Variants in SRGAP3 observed in about 807,000 individuals in gnomAD.
SRGAP3 encodes SLIT-ROBO Rho GTPase activating protein 3.
SRGAP3 carries 39 observed loss-of-function variants against 121.1 expected under a neutral mutation model. That is an observed-to-expected ratio of 0.32 (90% confidence interval 0.25 to 0.42). The LOEUF (loss-of-function observed/expected upper bound fraction) is 0.42, where lower values mean the gene tolerates loss of function less well. Among genes scored for constraint, SRGAP3 ranks in the 10% least tolerant of loss-of-function variants. SRGAP3 has a pLI of 1.00. For missense variants in SRGAP3, 1,213 were observed against 1,470.6 expected (o/e 0.82, Z 2.86); for synonymous variants, 601 against 570.0 (o/e 1.05, Z -0.77).
intron 3 of SRGAP3, among the ~76,000 whole-genome samples, chr3:9,258,849 T>C (rs1574949761): frequency 6.6e-6 from 1 of 152,338 alleles, no homozygotes; most frequent in South Asian, 2.1e-4. Context: ...CTGTCTCTGA[T>C]CGTGCCTCCC....
chr3:8,990,112 C>T (rs540470562), intron 21 of SRGAP3, among the ~76,000 whole-genome samples: 149 of 152,304 alleles, frequency 9.8e-4, no homozygotes, highest in Middle Eastern at 3.4e-3. Context: ...AGCATGGTGA[C>T]GGCCACATGA....
At chr3:9,299,734 A>G (rs1955017177) in intron 3 of SRGAP3, among the ~76,000 whole-genome samples, 1 of 151,968 alleles carries the variant, frequency 6.6e-6, no homozygotes, top group Non-Finnish European at 1.5e-5. Flanking sequence ...ACATGGTGAA[A>G]CCCCATCTCC....
chr3:9,073,296 A>G (rs1237119595), intron 4 of SRGAP3, among the ~76,000 whole-genome samples: 1 of 152,092 alleles, frequency 6.6e-6, no homozygotes, highest in African/African-American at 2.4e-5. Context: ...GGTACCCGCT[A>G]ACATGCCTTG....
chr3:9,058,629 T>C (rs1168212928), intron 6 of SRGAP3, 157 bp from the exon 7 acceptor site: 5 of 704,618 alleles, frequency 7.1e-6, no homozygotes, highest in African/African-American at 1.8e-5. Flanking sequence ...TGCACAAACC[T>C]CACGGCGCCC....
Position 9,025,187 on chromosome 3 carries a change from G to A in SRGAP3, c.1678+74C>T, listed in dbSNP as rs1326992600. 3.3e-6 allele frequency: 5 copies of A among 1,519,908 alleles called. No individual in the cohort carries two copies. The East Asian group carries it at 1.1e-4, about 34-fold the overall frequency. 94.2% of individuals were successfully genotyped at this position (1,519,908 alleles called of 1,614,324 possible). A position where few individuals can be genotyped will look rare whatever the true frequency, so the allele number is the denominator to read the frequency against. On this transcript the variant is annotated intron_variant, in intron 14 of 21. Transcript: ENST00000383836. The stretch of plus-strand genomic sequence containing the variant: ...TGCAGGCTGGCTTCTGCACACCACT[G>A]GCTCTGAGACACACGTGAATATTCA...
intron 3 of SRGAP3, among the ~76,000 whole-genome samples, chr3:9,084,891 ACT>A (rs2125279050): frequency 6.6e-6 from 1 of 151,586 alleles, no homozygotes; most frequent in Admixed American, 6.6e-5. Context: ...AGTCAAGCTA[ACT>A]CTACACGACT....
chr3:9,353,871 T>A (rs2125295885), intron 1 of SRGAP3, among the ~76,000 whole-genome samples: 1 of 152,196 alleles, frequency 6.6e-6, no homozygotes, highest in South Asian at 2.1e-4. Context: ...TTCAATTACA[T>A]CCCCACAGGA....
chr3:9,012,369 G>A (rs1176562463), intron 17 of SRGAP3, among the ~76,000 whole-genome samples: 1 of 152,170 alleles, frequency 6.6e-6, no homozygotes, highest in East Asian at 1.9e-4. Flanking sequence ...AGAAATAGTA[G>A]AAATGCTTTG....
chr3:8,997,387 A>T (rs961288837), intron 18 of SRGAP3, among the ~76,000 whole-genome samples: 9 of 152,042 alleles, frequency 5.9e-5, no homozygotes, highest in Non-Finnish European at 1.2e-4. Flanking sequence ...TCACTTCCAT[A>T]CTTGCTTAGG....
At position 8,981,731 on chromosome 3, in the gene SRGAP3, T is replaced by C. The variant is rs1941423746; in HGVS notation, c.*3788A>G. The C allele has an allele frequency of 4.3e-6, 1 of 230,700 alleles. No homozygotes were observed. The highest frequency in any genetic ancestry group is 5.7e-5 in the Admixed American group (1 of 17,660). 14.3% of individuals were successfully genotyped at this position (230,700 alleles called of 1,614,324 possible). A position where few individuals can be genotyped will look rare whatever the true frequency, so the allele number is the denominator to read the frequency against. On this transcript the variant is annotated 3_prime_UTR_variant, in exon 22 of 22. Transcript: ENST00000383836. Reference sequence around the variant, plus strand: ...TTTATAAGGCAGATCTCTGAACTGCTGGTTCCAGCCGATAGCCAAAATATG... The same window carrying C: ...TTTATAAGGCAGATCTCTGAACTGCCGGTTCCAGCCGATAGCCAAAATATG...
chr3:9,314,815 T>C (rs988781060), intron 3 of SRGAP3, among the ~76,000 whole-genome samples: 2 of 152,144 alleles, frequency 1.3e-5, no homozygotes, highest in African/African-American at 4.8e-5. Context: ...AGCATAGGGA[T>C]TCTCCTTCTC....
At chr3:9,213,968 A>G (rs902139547) in intron 1 of SRGAP3, among the ~76,000 whole-genome samples, 1 of 152,116 alleles carries the variant, frequency 6.6e-6, no homozygotes, top group Non-Finnish European at 1.5e-5. Context: ...CTGATTTCTC[A>G]TCAGGAACCA....
chr3:9,138,798 T>C (rs1949753549), intron 1 of SRGAP3, among the ~76,000 whole-genome samples: 2 of 152,248 alleles, frequency 1.3e-5, no homozygotes, highest in African/African-American at 4.8e-5. Flanking sequence ...AAAAGGTGTA[T>C]ATGAAACAAA....
chr3:9,009,632 T>C (rs1314987342), intron 18 of SRGAP3, among the ~76,000 whole-genome samples: 1 of 152,108 alleles, frequency 6.6e-6, no homozygotes, highest in African/African-American at 2.4e-5. Context: ...TGGTTCAGAT[T>C]GCTTGTCTAC....
intron 3 of SRGAP3, among the ~76,000 whole-genome samples, chr3:9,308,334 A>G (rs966692269): frequency 3.3e-5 from 5 of 152,232 alleles, no homozygotes; most frequent in African/African-American, 4.8e-5. Context: ...TAAAAAGCAT[A>G]TAACATTTAT....
chr3:9,272,139 C>G (rs1394548263), intron 3 of SRGAP3, among the ~76,000 whole-genome samples: 1 of 152,226 alleles, frequency 6.6e-6, no homozygotes, highest in Non-Finnish European at 1.5e-5. Flanking sequence ...TCATTCACAG[C>G]CCCCTGGATT....
intron 10 of SRGAP3, among the ~76,000 whole-genome samples, chr3:9,044,318 T>G (rs560649112): frequency 2.6e-5 from 4 of 152,324 alleles, no homozygotes; most frequent in African/African-American, 9.6e-5. Flanking sequence ...TTTTTCAATC[T>G]GATAACCAAG....
chr3:9,314,120 G>C (rs766481001), intron 3 of SRGAP3, among the ~76,000 whole-genome samples: 46 of 152,334 alleles, frequency 3.0e-4, no homozygotes, highest in Non-Finnish European at 5.3e-4. Context: ...GCCTGGAATA[G>C]CACTTGATAA....
intron 9 of SRGAP3, among the ~76,000 whole-genome samples, chr3:9,050,998 A>G (rs1021490913): frequency 6.8e-6 from 1 of 148,110 alleles, no homozygotes; most frequent in Admixed American, 6.8e-5. Context: ...CTACAATCCA[A>G]TCAATATTAG....
Sources: allele counts gnomAD v4.1 joint callset (sites outside exome capture counted in the v4.1 genomes callset), GRCh38; gene constraint gnomAD v4.1.1; transcripts MANE v1.5; gene names NCBI Gene and HGNC (gene_info 2026-07-23, HGNC 2026-07-21).